Variants in DENND1B observed in about 807,000 individuals in gnomAD.
DENND1B encodes DENN domain containing 1B.
DENND1B carries 59 observed loss-of-function variants against 90.1 expected under a neutral mutation model. The ratio of observed to expected loss-of-function variants is 0.65; its 90% CI spans 0.53 to 0.81. DENND1B has a LOEUF of 0.81. DENND1B is among the 40% of genes least tolerant of loss of function. The pLI is 0.00. For synonymous variants in DENND1B, 337 were observed against 324.6 expected (o/e 1.04, Z -0.41); for missense variants, 862 against 912.6 (o/e 0.94, Z 0.71).
chr1:197,569,271 GGTAA>G (rs1318826502), intron 15 of DENND1B, among the ~76,000 whole-genome samples: 1 of 151,928 alleles, frequency 6.6e-6, no homozygotes, highest in Admixed American at 6.6e-5. Context: ...AAAGACAAGA[GGTAA>G]GTTTTGGCCA....
chr1:197,624,693 A>G (rs748095727), intron 10 of DENND1B, among the ~76,000 whole-genome samples: 1 of 151,924 alleles, frequency 6.6e-6, no homozygotes, highest in Non-Finnish European at 1.5e-5. Flanking sequence ...TTGAGAGAAG[A>G]AGGCTTCAGA....
rs372937455 is a variant in DENND1B at position 197,511,964 on chromosome 1, G to A, written c.1599-20C>T. The A allele has an allele frequency of 1.2e-5, 19 of 1,572,824 alleles. No homozygotes were observed. The highest frequency in any genetic ancestry group is 2.3e-5 in the South Asian group (2 of 86,524). On this transcript the variant is annotated intron_variant, in intron 21 of 22. Coordinates refer to ENST00000620048, the MANE Select transcript of DENND1B (RefSeq NM_001195215.2). ...GATAACCTGAAGAAAAATAAAACAC[G>A]CAGTAGTAGGTAAATAACCATATTT...
chr1:197,719,314 G>A (rs561530682), intron 2 of DENND1B, among the ~76,000 whole-genome samples: 1 of 152,204 alleles, frequency 6.6e-6, no homozygotes, highest in Admixed American at 6.5e-5. Flanking sequence ...TCATGAGCTA[G>A]CAGAGAGCCA....
At chr1:197,649,407 AG>A (rs951844984) in intron 7 of DENND1B, among the ~76,000 whole-genome samples, 1 of 152,170 alleles carries the variant, frequency 6.6e-6, no homozygotes, top group Non-Finnish European at 1.5e-5. Flanking sequence ...ACTAAGCACC[AG>A]AACTAAGGTG....
chr1:197,517,403 C>T (rs556874975), intron 20 of DENND1B, among the ~76,000 whole-genome samples: 1 of 151,872 alleles, frequency 6.6e-6, no homozygotes, highest in Non-Finnish European at 1.5e-5. Context: ...CCAAAGGTAT[C>T]ACCATGGCCT....
At chr1:197,695,904 G>A (rs949919600) in intron 3 of DENND1B, among the ~76,000 whole-genome samples, 8 of 151,056 alleles carry the variant, frequency 5.3e-5, no homozygotes, top group Admixed American at 4.6e-4. Context: ...TTCAAATAAT[G>A]AAAAACTAAT....
At chr1:197,540,128 G>T in intron 19 of DENND1B, 57 bp from the exon 20 acceptor site, 7 of 1,190,084 alleles carry the variant, frequency 5.9e-6, no homozygotes, top group Non-Finnish European at 8.4e-6. Flanking sequence ...TATTACTAAC[G>T]TATTAGATTA....
chr1:197,613,562 A>G (rs1677372799), intron 11 of DENND1B, among the ~76,000 whole-genome samples: 1 of 150,840 alleles, frequency 6.6e-6, no homozygotes, highest in South Asian at 2.1e-4. Flanking sequence ...TCAAAAGGAA[A>G]CAGGAGGAAC....
At chr1:197,637,504 A>AT (rs1199711205) in intron 10 of DENND1B, among the ~76,000 whole-genome samples, 1 of 152,214 alleles carries the variant, frequency 6.6e-6, no homozygotes, top group Non-Finnish European at 1.5e-5. Flanking sequence ...GAGTTGGAAG[A>AT]TAAAAACACC....
chr1:197,720,477 GTGATCGTAC>G (rs1279692603), intron 2 of DENND1B, among the ~76,000 whole-genome samples: 1 of 151,912 alleles, frequency 6.6e-6, no homozygotes, highest in African/African-American at 2.4e-5. Context: ...GTGGGCTCAG[GTGATCGTAC>G]TGCCTCCGCC....
At chr1:197,548,940 T>A (rs1671018563) in intron 16 of DENND1B, among the ~76,000 whole-genome samples, 5 of 152,148 alleles carry the variant, frequency 3.3e-5, no homozygotes, top group Admixed American at 3.3e-4. Flanking sequence ...AAGGGCTAAT[T>A]GTGCCTTTAA....
At chr1:197,551,308 T>C (rs552272895) in intron 16 of DENND1B, among the ~76,000 whole-genome samples, 2 of 152,292 alleles carry the variant, frequency 1.3e-5, no homozygotes, top group South Asian at 4.1e-4. Context: ...ACGGACTTTC[T>C]TGCTGTACTC....
chr1:197,624,478 A>T (rs1357285504), intron 10 of DENND1B, among the ~76,000 whole-genome samples: 1 of 151,724 alleles, frequency 6.6e-6, no homozygotes, highest in Non-Finnish European at 1.5e-5. Context: ...CTAGAGGATA[A>T]TACAGGAGAA....
intron 19 of DENND1B, 106 bp downstream of exon 19, chr1:197,540,853 A>T: frequency 9.8e-7 from 1 of 1,021,108 alleles, no homozygotes; most frequent in South Asian, 1.5e-5. Context: ...CAAAGGGCTA[A>T]GCATATTTCA....
chr1:197,672,281 CT>C (rs1219290879), intron 4 of DENND1B, 125 bp from the exon 5 acceptor site: 2 of 1,165,660 alleles, frequency 1.7e-6, no homozygotes, highest in Admixed American at 6.0e-5. Context: ...GTTCTTGAAG[CT>C]AGAACTATGT....
intron 13 of DENND1B, among the ~76,000 whole-genome samples, chr1:197,605,057 G>C (rs1390216977): frequency 6.6e-6 from 1 of 150,738 alleles, no homozygotes; most frequent in African/African-American, 2.4e-5. Flanking sequence ...TTCTTTATAA[G>C]TCTGTGTCCC....
intron 5 of DENND1B, 151 bp from the exon 6 acceptor site, chr1:197,658,520 T>C: frequency 3.8e-6 from 2 of 522,086 alleles, no homozygotes; most frequent in Non-Finnish European, 6.8e-6. Flanking sequence ...CAGCAAAGTT[T>C]TACATATTAT....
At chr1:197,754,553 G>T (rs1013212959) in intron 2 of DENND1B, among the ~76,000 whole-genome samples, 1 of 149,782 alleles carries the variant, frequency 6.7e-6, no homozygotes, top group Non-Finnish European at 1.5e-5. Flanking sequence ...ACTTACTCAG[G>T]TGGCTGAGGA....
At chr1:197,766,970 T>A (rs1655779523) in intron 2 of DENND1B, among the ~76,000 whole-genome samples, 1 of 151,878 alleles carries the variant, frequency 6.6e-6, no homozygotes, top group African/African-American at 2.4e-5. Context: ...AATTTTGTAT[T>A]TTTAGTAGAG....
Sources: gnomAD v4.1 joint callset for allele counts (sites outside exome capture counted in the v4.1 genomes callset) on GRCh38, gnomAD v4.1.1 for gene constraint, MANE v1.5 for transcripts, NCBI Gene and HGNC (gene_info 2026-07-23, HGNC 2026-07-21) for gene names.